Variants in CADPS2 observed in about 807,000 individuals in gnomAD.
CADPS2 encodes the protein calcium-dependent secretion activator 2.
A neutral mutation model predicts 172.5 loss-of-function variants in CADPS2; 93 were observed. The ratio of observed to expected loss-of-function variants is 0.54; its 90% confidence interval spans 0.46 to 0.64. The LOEUF (loss-of-function observed/expected upper bound fraction) is 0.64. CADPS2 is among the 30% of genes least tolerant of loss of function. The probability of loss-of-function intolerance (pLI) is 0.00; values close to 1 mark genes in which losing one functional copy is unlikely to be tolerated. For synonymous variants in CADPS2, 546 were observed against 555.2 expected (o/e 0.98, Z 0.23); for missense variants, 1,420 against 1,565.9 (o/e 0.91, Z 1.57).
chr7:122,470,537 T>C (rs2055788109), intron 14 of CADPS2, among the ~76,000 whole-genome samples: 1 of 152,096 alleles, frequency 6.6e-6, no homozygotes, highest in African/African-American at 2.4e-5. Context: ...TTCTGTTACC[T>C]AGGCTGGAGT....
At chr7:122,638,475 G>A (rs139310733) in intron 3 of CADPS2, among the ~76,000 whole-genome samples, 3 of 152,118 alleles carry the variant, frequency 2.0e-5, no homozygotes, top group Non-Finnish European at 4.4e-5. Context: ...GGGTTTAGCA[G>A]GTTTTCTGTC....
At chr7:122,755,482 A>T (rs1004909551) in intron 1 of CADPS2, among the ~76,000 whole-genome samples, 2 of 152,182 alleles carry the variant, frequency 1.3e-5, no homozygotes, top group African/African-American at 4.8e-5. Flanking sequence ...GAAGCAAAGA[A>T]TATTGAAAGA....
At chr7:122,359,872 C>T (rs900465558) in intron 27 of CADPS2, among the ~76,000 whole-genome samples, 5 of 152,134 alleles carry the variant, frequency 3.3e-5, no homozygotes, top group South Asian at 2.1e-4. Context: ...ATAACTACAG[C>T]AGCAATAAAG....
At chr7:122,831,206 T>A (rs1172254570) in intron 1 of CADPS2, among the ~76,000 whole-genome samples, 3 of 152,162 alleles carry the variant, frequency 2.0e-5, no homozygotes, top group African/African-American at 4.8e-5. Flanking sequence ...CTGTCCTTAC[T>A]GTAAAAGGGA....
At chr7:122,768,976 C>T (rs1028409413) in intron 1 of CADPS2, among the ~76,000 whole-genome samples, 8 of 151,020 alleles carry the variant, frequency 5.3e-5, no homozygotes, top group African/African-American at 9.7e-5. Flanking sequence ...AAGAAAGAAA[C>T]GGTCACAGCT....
At chr7:122,559,231 T>C (rs1587282936) in intron 7 of CADPS2, among the ~76,000 whole-genome samples, 1 of 152,022 alleles carries the variant, frequency 6.6e-6, no homozygotes, top group African/African-American at 2.4e-5. Flanking sequence ...AATAAAGATA[T>C]GGGGGCTGTT....
intron 1 of CADPS2, among the ~76,000 whole-genome samples, chr7:122,801,060 G>T (rs1187784208): frequency 7.0e-6 from 1 of 142,516 alleles, no homozygotes; most frequent in African/African-American, 2.8e-5. Context: ...AACACTATTT[G>T]GGCTAAAGAG....
chr7:122,560,432 CAAGTA>C (rs1334969220), intron 7 of CADPS2, among the ~76,000 whole-genome samples: 1 of 152,060 alleles, frequency 6.6e-6, no homozygotes, highest in African/African-American at 2.4e-5. Flanking sequence ...TTTTCATACT[CAAGTA>C]AAGAATAATT....
intron 1 of CADPS2, among the ~76,000 whole-genome samples, chr7:122,826,580 C>T (rs900561496): frequency 3.3e-5 from 5 of 150,948 alleles, no homozygotes; most frequent in Admixed American, 6.6e-5. Context: ...AATAGAAAGC[C>T]TCAGCAAAGG....
At chr7:122,843,254 T>C (rs1811075965) in intron 1 of CADPS2, among the ~76,000 whole-genome samples, 2 of 152,060 alleles carry the variant, frequency 1.3e-5, no homozygotes, top group South Asian at 4.2e-4. Context: ...TTGGCTTTCC[T>C]AATGTAATCA....
chr7:122,616,360 AG>A (rs2074922457), intron 5 of CADPS2, among the ~76,000 whole-genome samples: 1 of 152,084 alleles, frequency 6.6e-6, no homozygotes, highest in Non-Finnish European at 1.5e-5. Context: ...CACATTTTTT[AG>A]AGTCATGATA....
chr7:122,754,308 T>C (rs1186350613), intron 1 of CADPS2, among the ~76,000 whole-genome samples: 1 of 152,186 alleles, frequency 6.6e-6, no homozygotes, highest in Admixed American at 6.5e-5. Flanking sequence ...TCTGCTTTTG[T>C]TTTATTTGTT....
At chr7:122,466,704 C>G (rs1004449571) in intron 14 of CADPS2, among the ~76,000 whole-genome samples, 1 of 152,116 alleles carries the variant, frequency 6.6e-6, no homozygotes, top group Non-Finnish European at 1.5e-5. Context: ...AAAGTACTTA[C>G]AGAATTTTAT....
At chr7:122,506,128 C>G (rs1295992207) in intron 9 of CADPS2, among the ~76,000 whole-genome samples, 1 of 152,226 alleles carries the variant, frequency 6.6e-6, no homozygotes, top group Non-Finnish European at 1.5e-5. Flanking sequence ...AGCCTCTACT[C>G]TGCCTCGTCA....
intron 2 of CADPS2, among the ~76,000 whole-genome samples, chr7:122,691,336 GCTCAGCTCC>G (rs1267893588): frequency 1.3e-5 from 2 of 152,228 alleles, no homozygotes; most frequent in Admixed American, 6.5e-5. Flanking sequence ...GAACACTGGA[GCTCAGCTCC>G]CTTCCACAGC....
At chr7:122,747,710 G>A (rs1269123678) in intron 1 of CADPS2, among the ~76,000 whole-genome samples, 2 of 152,064 alleles carry the variant, frequency 1.3e-5, no homozygotes, top group African/African-American at 4.8e-5. Flanking sequence ...TGACTGATAT[G>A]CTCTTAGCCA....
intron 1 of CADPS2, among the ~76,000 whole-genome samples, chr7:122,739,496 G>T (rs910356171): frequency 7.2e-5 from 11 of 152,108 alleles, no homozygotes; most frequent in African/African-American, 2.7e-4. Flanking sequence ...TCATGGATAT[G>T]AATCAAGGAA....
At chr7:122,698,672 G>T (rs376509948) in intron 2 of CADPS2, 28 of 1,613,820 alleles carry the variant, frequency 1.7e-5, no homozygotes, top group Non-Finnish European at 2.4e-5. Flanking sequence ...CATGCATTTT[G>T]GATTTTTCCC....
intron 29 of CADPS2, among the ~76,000 whole-genome samples, chr7:122,323,466 T>G (rs183975761): frequency 6.6e-6 from 1 of 152,196 alleles, no homozygotes; most frequent in East Asian, 1.9e-4. Flanking sequence ...GTGAGAATAC[T>G]TAAGATCTAC....
Sources: allele counts gnomAD v4.1 joint callset (sites outside exome capture counted in the v4.1 genomes callset), GRCh38; gene constraint gnomAD v4.1.1; transcripts MANE v1.5; gene names NCBI Gene and HGNC (gene_info 2026-07-23, HGNC 2026-07-21).